NAV2: variants seen among roughly 807,000 people sequenced by gnomAD.
The protein encoded by NAV2 is helicase, APC down-regulated 1.
In NAV2, 54 loss-of-function variants were observed where a neutral mutation model predicts 223.2. That is an observed-to-expected ratio of 0.24 (90% confidence interval 0.19 to 0.30). The LOEUF is 0.30. NAV2 is among the 10% of genes least tolerant of loss of function. NAV2 has a pLI of 1.00. For missense variants in NAV2, 2,806 were observed against 3,147.5 expected (o/e 0.89, Z 2.60); for synonymous variants, 1,279 against 1,239.3 (o/e 1.03, Z -0.67).
chr11:19,907,262 G>C (rs1439776392), intron 6 of NAV2, among the ~76,000 whole-genome samples: 1 of 152,068 alleles, frequency 6.6e-6, no homozygotes, highest in African/African-American at 2.4e-5. Context: ...TCCACTCCTG[G>C]TCTGTTGCTT....
intron 12 of NAV2, among the ~76,000 whole-genome samples, chr11:20,041,786 T>C (rs1708845980): frequency 6.6e-6 from 1 of 152,206 alleles, no homozygotes; most frequent in South Asian, 2.1e-4. Context: ...TGGTTCCCTC[T>C]CCCTGGTATG....
At chr11:19,749,310 C>T (rs184134934) in intron 1 of NAV2, among the ~76,000 whole-genome samples, 2 of 152,290 alleles carry the variant, frequency 1.3e-5, no homozygotes, top group Admixed American at 1.3e-4. Context: ...CATCTCCCTC[C>T]CAGATTTTCC....
intron 1 of NAV2, among the ~76,000 whole-genome samples, chr11:19,516,448 C>T (rs770535313): frequency 1.3e-5 from 2 of 152,182 alleles, no homozygotes; most frequent in Admixed American, 6.5e-5. Flanking sequence ...AAGTTGTGAA[C>T]ACTTTTAAGG....
intron 1 of NAV2, among the ~76,000 whole-genome samples, chr11:19,701,077 C>A (rs1008612610): frequency 6.6e-6 from 1 of 152,174 alleles, no homozygotes; most frequent in Admixed American, 6.5e-5. Context: ...GTGAGGGGAC[C>A]TTTGCCTCAA....
intron 1 of NAV2, chr11:19,503,791 A>G (rs1456101428): frequency 6.6e-6 from 1 of 152,198 alleles, no homozygotes; most frequent in Non-Finnish European, 1.5e-5. Context: ...CATAATTTTC[A>G]AGTCTTTGAG....
At chr11:19,912,093 T>G (rs902626054) in intron 6 of NAV2, among the ~76,000 whole-genome samples, 1 of 152,184 alleles carries the variant, frequency 6.6e-6, no homozygotes, top group African/African-American at 2.4e-5. Context: ...GTGCTTACAT[T>G]CTAATTTTTA....
rs536412457 is a variant in NAV2 at position 20,066,295 on chromosome 11, G to T, written c.4885-1891G>T. On this transcript the variant is annotated intron_variant, in intron 20 of 37. Transcript: ENST00000349880. ...AGTAAGTATTTGATAGGTGGTGGTAGTGAGGATAGATGGACAGACAAAGAC... is the reference window on the plus strand; with the variant it reads ...AGTAAGTATTTGATAGGTGGTGGTATTGAGGATAGATGGACAGACAAAGAC... Among the ~76,000 whole-genome samples the T allele has an allele frequency of 7.2e-5, 11 of 152,352 alleles. 1 individual carries two copies. In the South Asian group the frequency reaches 2.3e-3, roughly 32 times the overall value.
chr11:19,530,992 T>G (rs1012947125), intron 1 of NAV2, among the ~76,000 whole-genome samples: 2 of 152,282 alleles, frequency 1.3e-5, no homozygotes, highest in African/African-American at 4.8e-5. Flanking sequence ...TATACTTCAT[T>G]TACCAACTAG....
intron 2 of NAV2, among the ~76,000 whole-genome samples, chr11:19,837,319 G>T (rs1263862240): frequency 6.6e-6 from 1 of 152,224 alleles, no homozygotes; most frequent in Non-Finnish European, 1.5e-5. Flanking sequence ...GATAGAGGGA[G>T]TTGCAGCCTT....
intron 1 of NAV2, among the ~76,000 whole-genome samples, chr11:19,704,880 G>A (rs2049612326): frequency 4.6e-5 from 7 of 151,402 alleles, no homozygotes; most frequent in Admixed American, 3.9e-4. Flanking sequence ...GCGTCGTGGC[G>A]GGCGCCTGTA....
intron 1 of NAV2, among the ~76,000 whole-genome samples, chr11:19,669,123 T>C (rs1004133634): frequency 1.3e-5 from 2 of 152,194 alleles, no homozygotes; most frequent in Non-Finnish European, 2.9e-5. Flanking sequence ...CAAAGTTTTA[T>C]TGAGCTATTC....
At chr11:19,997,708 C>G (rs2153477385) in intron 11 of NAV2, among the ~76,000 whole-genome samples, 1 of 152,296 alleles carries the variant, frequency 6.6e-6, no homozygotes, top group East Asian at 1.9e-4. Context: ...CTGTCTGGCT[C>G]TAAAGCCAGT....
At chr11:19,793,250 G>A (rs1010477428) in intron 1 of NAV2, among the ~76,000 whole-genome samples, 1 of 150,472 alleles carries the variant, frequency 6.6e-6, no homozygotes, top group Non-Finnish European at 1.5e-5. Flanking sequence ...AAGAAAGAAA[G>A]GATGGATGGA....
rs146995881 is a variant in NAV2, at chr11:20,047,778, G to A, written c.3903-950G>A. Reference sequence around the variant, plus strand: ...GTCTAGAGAGGGCAGAGATCAAACTGTCACGACTTTGAGCACCCAAGGCCA... The same window carrying A: ...GTCTAGAGAGGGCAGAGATCAAACTATCACGACTTTGAGCACCCAAGGCCA... On this transcript the variant is annotated intron_variant, in intron 14 of 37. Transcript: ENST00000349880. Among the ~76,000 whole-genome samples the A allele has an allele frequency of 2.4e-4, 36 of 152,278 alleles. No homozygotes were observed. The East Asian group carries it at 6.2e-3, about 26-fold the overall frequency.
At chr11:19,622,261 G>A (rs1032726570) in intron 1 of NAV2, among the ~76,000 whole-genome samples, 3 of 152,182 alleles carry the variant, frequency 2.0e-5, no homozygotes, top group African/African-American at 7.2e-5. Context: ...TTCTGTAGAT[G>A]TCTATTAGGT....
intron 1 of NAV2, among the ~76,000 whole-genome samples, chr11:19,828,086 C>T (rs1402753260): frequency 6.6e-6 from 1 of 152,084 alleles, no homozygotes; most frequent in South Asian, 2.1e-4. Context: ...TGGCTGAGTT[C>T]GAAGCTGCAG....
At chr11:19,620,143 T>C (rs1393216520) in intron 1 of NAV2, among the ~76,000 whole-genome samples, 1 of 152,174 alleles carries the variant, frequency 6.6e-6, no homozygotes, top group Non-Finnish European at 1.5e-5. Flanking sequence ...ACCAGTACCA[T>C]GCTGTTTTGG....
At chr11:19,454,078 G>T (rs1322980494) in intron 1 of NAV2, among the ~76,000 whole-genome samples, 2 of 152,200 alleles carry the variant, frequency 1.3e-5, no homozygotes, top group Non-Finnish European at 2.9e-5. Context: ...ACCGGGCTCT[G>T]AGTCTGCAAC....
At chr11:19,618,095 C>A (rs2135388120) in intron 1 of NAV2, among the ~76,000 whole-genome samples, 1 of 152,324 alleles carries the variant, frequency 6.6e-6, no homozygotes, top group South Asian at 2.1e-4. Flanking sequence ...TTCATTCCTC[C>A]CTAGACTATA....
Sources: gnomAD v4.1 joint callset for allele counts (sites outside exome capture counted in the v4.1 genomes callset) on GRCh38, gnomAD v4.1.1 for gene constraint, MANE v1.5 for transcripts, NCBI Gene and HGNC (gene_info 2026-07-23, HGNC 2026-07-21) for gene names.